GGACT: variants seen among roughly 807,000 people sequenced by gnomAD.
GGACT encodes the protein gamma-glutamylaminecyclotransferase.
For missense variants in GGACT, 241 were observed against 233.2 expected (o/e 1.03, Z -0.22); for synonymous variants, 118 against 115.3 (o/e 1.02, Z -0.15).
intron 2 of GGACT, among the ~76,000 whole-genome samples, chr13:100,549,380 C>T (rs1182372996): frequency 2.0e-5 from 3 of 152,228 alleles, no homozygotes; most frequent in African/African-American, 7.2e-5. Context: ...GCCCTACCTG[C>T]TCGTCTGTCC....
At chr13:100,584,172 G>C (rs919166722) in intron 1 of GGACT, among the ~76,000 whole-genome samples, 175 bp from the exon 2 acceptor site, 3 of 152,208 alleles carry the variant, frequency 2.0e-5, no homozygotes, top group African/African-American at 7.2e-5. Flanking sequence ...CAGTCCACAT[G>C]CTTGAGGGGC....
chr13:100,578,330 A>C (rs1303182608), intron 2 of GGACT, among the ~76,000 whole-genome samples: 1 of 152,246 alleles, frequency 6.6e-6, no homozygotes, highest in Non-Finnish European at 1.5e-5. Context: ...CACTTATGCC[A>C]CCACTACACC....
Position 100,532,420 on chromosome 13 carries a change from C to T in GGACT, c.172G>A (p.Gly58Ser). 3 of 1,550,058 alleles carry T rather than the reference C, an allele frequency of 1.9e-6. No homozygotes were observed. The South Asian group carries it at 3.6e-5, about 18-fold the overall frequency. ...TCGCCCTCCACGAGGCGCCCCGAGC[C>T]GGGCAGGTGCAGCAGCCACGGGATG... ...HNIPWLLHLP[G>S]SGRLVEGEVY... The change falls in exon 3 of 3, where the codon GGC becomes AGC. Residue 58 changes from glycine to serine, a missense_variant. Transcript: ENST00000683975.
At chr13:100,559,746 T>G (rs1344411146) in intron 2 of GGACT, among the ~76,000 whole-genome samples, 1 of 151,842 alleles carries the variant, frequency 6.6e-6, no homozygotes, top group Non-Finnish European at 1.5e-5. Flanking sequence ...CCACCTGCCT[T>G]GGCCTCCCAA....
intron 2 of GGACT, among the ~76,000 whole-genome samples, chr13:100,535,448 A>G (rs111471680): frequency 0.024 from 3,616 of 152,300 alleles, 146 homozygotes; most frequent in African/African-American, 0.082. Flanking sequence ...CTTTAGGCAG[A>G]TCATATAACC....
At chr13:100,558,254 G>T (rs1198612308) in intron 2 of GGACT, among the ~76,000 whole-genome samples, 2 of 151,172 alleles carry the variant, frequency 1.3e-5, no homozygotes, top group Non-Finnish European at 2.9e-5. Flanking sequence ...GAGGCAGGAG[G>T]ACTGCTTGAG....
intron 2 of GGACT, among the ~76,000 whole-genome samples, chr13:100,578,629 TC>T (rs1875323731): frequency 6.6e-6 from 1 of 152,230 alleles, no homozygotes; most frequent in African/African-American, 2.4e-5. Flanking sequence ...TCGTCAATGT[TC>T]CCTCCAATGC....
chr13:100,532,529 C>G lies in GGACT; in HGVS notation c.63G>C (p.Arg21=). The change falls in exon 3 of 3, where the codon CGG becomes CGC. Residue 21 remains arginine (R), a synonymous_variant. Transcript: ENST00000683975. ...AGGCTGCGGAGCCGTGGGCGCCGTC[C>G]CGCAGGACCCTGTGGTTGGGCTGAC... ...KRGQPNHRVL[R]DGAHGSAAFR... is the part of the protein sequence containing the mutation. 6.5e-7 allele frequency: 1 copy of G among 1,548,112 alleles called. No homozygotes were observed.
chr13:100,580,788 C>T (rs1191794878), intron 2 of GGACT, among the ~76,000 whole-genome samples: 1 of 152,194 alleles, frequency 6.6e-6, no homozygotes, highest in African/African-American at 2.4e-5. Context: ...GATCTCATTT[C>T]AGCCTGCCCA....
At chr13:100,566,858 G>A (rs924528236) in intron 2 of GGACT, among the ~76,000 whole-genome samples, 1 of 152,204 alleles carries the variant, frequency 6.6e-6, no homozygotes, top group Non-Finnish European at 1.5e-5. Context: ...CTGATAACGT[G>A]CTTTACAGCA....
intron 2 of GGACT, among the ~76,000 whole-genome samples, chr13:100,577,349 G>C (rs1875277202): frequency 6.6e-6 from 1 of 151,508 alleles, no homozygotes; most frequent in African/African-American, 2.4e-5. Context: ...CCAAGAGGCA[G>C]AGGTTGCAGT....
intron 2 of GGACT, chr13:100,538,086 A>G (rs965329226): frequency 6.6e-6 from 1 of 152,170 alleles, no homozygotes; most frequent in African/African-American, 2.4e-5. Flanking sequence ...ATCTCAGTTT[A>G]TTTAATGCTC....
chr13:100,539,041 A>G (rs2088524994), intron 2 of GGACT: 1 of 152,236 alleles, frequency 6.6e-6, no homozygotes, highest in African/African-American at 2.4e-5. Flanking sequence ...AAATGCAATA[A>G]TTATTTGTGT....
Position 100,532,138 on chromosome 13 carries a change from T to TCTCC in GGACT, c.450_453dup (p.Asn152GlyfsTer39). The TCTCC allele has an allele frequency of 2.1e-6, 3 of 1,447,496 alleles. No individual in the cohort carries two copies. The highest frequency in any genetic ancestry group is 1.5e-5 in the South Asian group (1 of 67,740). The allele number at this position is 1,447,496 out of a possible 1,614,324, so 89.7% of individuals were successfully genotyped here. ...CACCCTGCCCGTCCCCCTTATCTGT[T>TCTCC]CTCCCGGGGGTTGTAGCGCAGCCCG... On this transcript the variant is annotated frameshift_variant, in exon 3 of 3. Coordinates refer to ENST00000683975, the MANE Select transcript of GGACT (RefSeq NM_001195087.2). LOFTEE classifies it high-confidence loss of function.
intron 2 of GGACT, chr13:100,535,879 C>T (rs535407632): frequency 2.0e-5 from 3 of 152,034 alleles, no homozygotes; most frequent in African/African-American, 2.4e-5. Flanking sequence ...GGCCAGAACC[C>T]GGGTCCTGAC....
chr13:100,565,802 C>T (rs979799514), intron 2 of GGACT, among the ~76,000 whole-genome samples: 1 of 152,184 alleles, frequency 6.6e-6, no homozygotes. Flanking sequence ...ATGGCACCCA[C>T]CAAGCCCATG....
chr13:100,583,694 TC>T (rs1875484018), intron 2 of GGACT, 130 bp downstream of exon 2: 2 of 152,222 alleles, frequency 1.3e-5, no homozygotes, highest in South Asian at 4.2e-4. Context: ...CGTACCTGGC[TC>T]CCCACCACTA....
At chr13:100,587,913 C>G (rs1400695038) in intron 1 of GGACT, among the ~76,000 whole-genome samples, 2 of 152,176 alleles carry the variant, frequency 1.3e-5, no homozygotes, top group Admixed American at 1.3e-4. Flanking sequence ...GTAATCCCAG[C>G]TACCCGGGAG....
chr13:100,566,288 G>T (rs1001360333), intron 2 of GGACT, among the ~76,000 whole-genome samples: 1 of 152,218 alleles, frequency 6.6e-6, no homozygotes, highest in Admixed American at 6.5e-5. Flanking sequence ...TAAGTCCAGA[G>T]GGCCAATCCA....
Sources: gnomAD v4.1 joint callset for allele counts (sites outside exome capture counted in the v4.1 genomes callset) on GRCh38, gnomAD v4.1.1 for gene constraint, MANE v1.5 for transcripts, NCBI Gene and HGNC (gene_info 2026-07-23, HGNC 2026-07-21) for gene names.